MBD1: variants seen among roughly 807,000 people sequenced by gnomAD.
The protein encoded by MBD1 is methyl-CpG binding domain protein 1, also known as methyl-CpG-binding domain protein 1.
A neutral mutation model predicts 82.6 loss-of-function variants in MBD1; 25 were observed. The observed-to-expected ratio is 0.30, with a 90% CI of 0.22 to 0.42. The LOEUF is 0.42. MBD1 is among the 10% of genes least tolerant of loss of function. The pLI is 1.00. For missense variants in MBD1, 627 were observed against 819.6 expected (o/e 0.76, Z 2.87); for synonymous variants, 301 against 303.7 (o/e 0.99, Z 0.09).
chr18:50,268,727 C>T (rs2034334589), downstream of MBD1: 1 of 198,014 alleles, frequency 5.1e-6, no homozygotes, highest in South Asian at 1.7e-4. Context: ...GTGAATCGCT[C>T]AGGGTCCTTG....
Position 50,275,856 on chromosome 18 carries a change from G to C in MBD1, c.642C>G (p.Arg214=), listed in dbSNP as rs891797178. Residue 214 remains arginine, a synonymous_variant, in exon 7 of 17, where the codon CGC becomes CGG. Transcript: ENST00000269468. ...TCACCCTTTCCACAATCCGGAGGCA[G>C]CGTCTCCGTTCACACTTGCAGAACA... The part of the protein sequence containing the change: ...SGLFCKCERR[R]CLRIVERSRG... 8 of 1,614,222 alleles carry C rather than the reference G, an allele frequency of 5.0e-6. No homozygotes were observed. Among genetic ancestry groups the C allele is most frequent in the Non-Finnish European group, 6.8e-6 (8 of 1,180,038 alleles).
At chr18:50,270,730 G>A (rs2035158141) in intron 16 of MBD1, 2 of 212,888 alleles carry the variant, frequency 9.4e-6, no homozygotes, top group Admixed American at 1.0e-4. Context: ...ATTGAGCCTT[G>A]GCACTCCCTA....
Position 50,274,101 on chromosome 18 carries a change from C to T in MBD1, c.1146+85G>A. The T allele has an allele frequency of 2.5e-6, 4 of 1,573,216 alleles. No homozygotes were observed. The South Asian group carries it at 4.4e-5, about 17-fold the overall frequency. On this transcript the variant is annotated intron_variant, in intron 11 of 16. Coordinates refer to ENST00000269468, the MANE Select transcript of MBD1 (RefSeq NM_015846.4). The stretch of plus-strand genomic sequence containing the variant: ...CCAAAGCTACTGCCCCACCCACCCA[C>T]CTACCAAGCCTGCCCACCACTTCCA...
chr18:50,267,582 C>T, downstream of MBD1: 1 of 1,526,884 alleles, frequency 6.5e-7, no homozygotes, highest in Non-Finnish European at 8.8e-7. Flanking sequence ...GAACAGGAAA[C>T]ACAAATCAGG....
Position 50,274,933 on chromosome 18 carries a change from G to A in MBD1, c.978+44C>T, listed in dbSNP as rs191178908. 11,403 of 1,597,590 alleles carry A rather than the reference G, an allele frequency of 7.1e-3. 52 individuals are homozygous for A. The highest frequency in any genetic ancestry group is 8.6e-3 in the Non-Finnish European group (10,047 of 1,165,252). ...TCTGCTTCTTTGAAGTTAACCAAGC[G>A]TCCTGAGATTCTAGGCTTATCCAGG... On this transcript the variant is annotated intron_variant, in intron 10 of 16. Coordinates refer to ENST00000269468, the MANE Select transcript of MBD1 (RefSeq NM_015846.4).
chr18:50,275,061 G>C lies in MBD1; in HGVS notation c.910-16C>G. The C allele has an allele frequency of 1.2e-6, 2 of 1,613,838 alleles. No individual in the cohort carries two copies. Among genetic ancestry groups the C allele is most frequent in the Non-Finnish European group, 1.7e-6 (2 of 1,179,768 alleles). The stretch of plus-strand genomic sequence containing the variant: ...CTCTGGGGTGCTGTAGAGGCAAATG[G>C]GGTGGGGTCAGGGCAGGTACTGGGT... On this transcript the variant is annotated splice_polypyrimidine_tract_variant and intron_variant, in intron 9 of 16. Transcript: ENST00000269468.
rs1342564705 is a variant in MBD1 at position 50,272,530 on chromosome 18, G to A, written c.1778+147C>T. ...GAAATCTCTAGGGTCCTACACACAC[G>A]CCCCTCATTAATTGTGACCAGCATA... On this transcript the variant is annotated intron_variant, in intron 15 of 16. Transcript: ENST00000269468. The A allele has an allele frequency of 5.1e-5, 44 of 859,290 alleles. 1 individual carries two copies. Among genetic ancestry groups the A allele is most frequent in the South Asian group, 4.9e-4 (37 of 74,852 alleles). 53.2% of individuals were successfully genotyped at this position (859,290 alleles called of 1,614,324 possible). A position where few individuals can be genotyped will look rare whatever the true frequency, so the allele number is the denominator to read the frequency against.
rs1390301385 is a variant in MBD1 at position 50,275,155 on chromosome 18, A to G, written c.883T>C (p.Ser295Pro). Reference protein sequence around the residue: ...GAQPLPPPPPSQSPEPTEPHP... With the variant: ...GAQPLPPPPPPQSPEPTEPHP... ...GGCTCTGTGGGCTCTGGGGACTGTGATGGGGGTGGTGGAGGCAGTGGCTGG... is the reference window on the plus strand; with the variant it reads ...GGCTCTGTGGGCTCTGGGGACTGTGGTGGGGGTGGTGGAGGCAGTGGCTGG... Residue 295 changes from serine to proline, a missense_variant, in exon 9 of 17, where the codon TCA (serine) becomes CCA (proline). Coordinates refer to ENST00000269468, the MANE Select transcript of MBD1 (RefSeq NM_015846.4). 6.2e-7 allele frequency: 1 copy of G among 1,613,962 alleles called. No homozygotes were observed. Among genetic ancestry groups the G allele is most frequent in the Non-Finnish European group, 8.5e-7 (1 of 1,180,000 alleles).
At chr18:50,276,357 G>A (rs2037894325) in intron 6 of MBD1, 21 bp downstream of exon 6, 1 of 1,612,312 alleles carries the variant, frequency 6.2e-7, no homozygotes, top group African/African-American at 1.3e-5. Context: ...GAGTTGTGAA[G>A]AGGAAGCAGG....
In MBD1 at chr18:50,272,799, AGGGTGGGGCATCCCCAGCACTGACCAC is replaced by A; in HGVS notation, c.1714_1716+24del. Reference sequence around the variant, plus strand: ...GTTGGGGCTACAGCAGGGTCAGGGCAGGGTGGGGCATCCCCAGCACTGACCACGGGTGTGCCAGCCCCTCCTGCCTCT... The same window carrying A: ...GTTGGGGCTACAGCAGGGTCAGGGCAGGGTGTGCCAGCCCCTCCTGCCTCT... On this transcript the variant is annotated splice_donor_variant and splice_donor_5th_base_variant and coding_sequence_variant and intron_variant, in exon 14 of 17. Coordinates refer to ENST00000269468, the MANE Select transcript of MBD1 (RefSeq NM_015846.4). LOFTEE classifies it high-confidence loss of function. 1 of 1,613,316 alleles carries A rather than the reference AGGGTGGGGCATCCCCAGCACTGACCAC, an allele frequency of 6.2e-7. No individual in the cohort carries two copies. Among genetic ancestry groups the A allele is most frequent in the Non-Finnish European group, 8.5e-7 (1 of 1,179,998 alleles).
chr18:50,269,015 G>A lies in MBD1; in HGVS notation c.*836C>T. ...CAGCATTAAATTCCATGATAAAGTTGGAAATCCATTCACCATTTGTAATAC... is the reference window on the plus strand; with the variant it reads ...CAGCATTAAATTCCATGATAAAGTTAGAAATCCATTCACCATTTGTAATAC... On this transcript the variant is annotated 3_prime_UTR_variant, in exon 17 of 17. Coordinates refer to ENST00000269468, the MANE Select transcript of MBD1 (RefSeq NM_015846.4). 1 of 985,610 alleles carries A rather than the reference G, an allele frequency of 1.0e-6. No individual in the cohort carries two copies. The highest frequency in any genetic ancestry group is 1.2e-6 in the Non-Finnish European group (1 of 830,108). The allele number at this position is 985,610 out of a possible 1,614,324, so 61.1% of individuals were successfully genotyped here.
chr18:50,280,233 A>G (rs1474850791), intron 1 of MBD1, among the ~76,000 whole-genome samples: 2 of 151,916 alleles, frequency 1.3e-5, no homozygotes, highest in African/African-American at 4.8e-5. Flanking sequence ...CAACCCAAGG[A>G]TCCCTGTTTC....
At chr18:50,281,578 C>T, upstream of MBD1, 3 of 557,246 alleles carry the variant, frequency 5.4e-6, no homozygotes, top group Non-Finnish European at 6.4e-6. Flanking sequence ...TAAGCACCTG[C>T]GCACTATTGC....
chr18:50,276,629 C>A, intron 5 of MBD1, 33 bp downstream of exon 5: 1 of 1,610,908 alleles, frequency 6.2e-7, no homozygotes, highest in Non-Finnish European at 8.5e-7. Flanking sequence ...CAGCTCCTAT[C>A]TCCCGATGCC....
Position 50,273,458 on chromosome 18 carries a change from G to C in MBD1, c.1460C>G (p.Ser487Cys), listed in dbSNP as rs1212776261. Residue 487 changes from serine to cysteine, a missense_variant, in exon 13 of 17, where the codon TCT becomes TGT. Transcript: ENST00000269468. Reference sequence around the variant, plus strand: ...TAAGGCCACAACCCAACTCAGGCCAGAGCACTGGGCCTCCTGCGTGAGGGA... The same window carrying C: ...TAAGGCCACAACCCAACTCAGGCCACAGCACTGGGCCTCCTGCGTGAGGGA... ...TEALLQEAQC[S>C]GLSWVVALPQ... is the part of the protein sequence containing the mutation. 1.2e-6 allele frequency: 2 copies of C among 1,614,090 alleles called. No individual in the cohort carries two copies. Among genetic ancestry groups the C allele is most frequent in the East Asian group, 2.2e-5 (1 of 44,896 alleles).
intron 8 of MBD1, 108 bp downstream of exon 8, chr18:50,275,492 T>G (rs1599407917): frequency 6.3e-7 from 1 of 1,597,918 alleles, no homozygotes; most frequent in Non-Finnish European, 8.5e-7. Context: ...GAGCATAGGG[T>G]TAGGCAGAAA....
At chr18:50,281,054 G>T in intron 1 of MBD1, 1 of 1,080,948 alleles carries the variant, frequency 9.3e-7, no homozygotes, top group Non-Finnish European at 1.3e-6. Context: ...CCCTCTCAGA[G>T]TTCTGAACCC....
chr18:50,274,630 C>G (rs2037003469), intron 10 of MBD1, among the ~76,000 whole-genome samples: 1 of 152,152 alleles, frequency 6.6e-6, no homozygotes, highest in South Asian at 2.1e-4. Context: ...CACTAGCTAC[C>G]AAGAAAATGT....
intron 15 of MBD1, among the ~76,000 whole-genome samples, chr18:50,272,046 C>A (rs1568193602): frequency 6.6e-6 from 1 of 152,220 alleles, no homozygotes; most frequent in Non-Finnish European, 1.5e-5. Flanking sequence ...AGGGACAGTT[C>A]TGCAAGGCAT....
Sources: allele counts gnomAD v4.1 joint callset (sites outside exome capture counted in the v4.1 genomes callset), GRCh38; gene constraint gnomAD v4.1.1; transcripts MANE v1.5; gene names NCBI Gene and HGNC (gene_info 2026-07-23, HGNC 2026-07-21).